BTD: variants seen among roughly 807,000 people sequenced by gnomAD.
BTD encodes the protein biotinidase.
In BTD, 13 loss-of-function variants were observed where a neutral mutation model predicts 17.7. The observed-to-expected ratio is 0.74, with a 90% CI of 0.48 to 1.17. The LOEUF (loss-of-function observed/expected upper bound fraction) is 1.17, where lower values mean the gene tolerates loss of function less well. Among genes scored for constraint, BTD ranks in the 50% most tolerant of loss-of-function variants. The probability of loss-of-function intolerance (pLI) is 0.00; values close to 1 mark genes in which losing one functional copy is unlikely to be tolerated. For synonymous variants in BTD, 240 were observed against 245.2 expected (o/e 0.98, Z 0.20); for missense variants, 674 against 650.4 (o/e 1.04, Z -0.39).
chr3:15,666,730 T>C (rs1261990189), intron 3 of BTD, among the ~76,000 whole-genome samples: 1 of 152,356 alleles, frequency 6.6e-6, no homozygotes, highest in Non-Finnish European at 1.5e-5. Flanking sequence ...CCAATATATC[T>C]ACTCTATCCC....
At chr3:15,604,375 C>T (rs946488146) in intron 1 of BTD, among the ~76,000 whole-genome samples, 3 of 152,242 alleles carry the variant, frequency 2.0e-5, no homozygotes, top group Non-Finnish European at 4.4e-5. Context: ...TTAGCCATGG[C>T]TGGCATGGCT....
At chr3:15,605,098 ACT>A (rs2064406225) in intron 1 of BTD, among the ~76,000 whole-genome samples, 1 of 152,050 alleles carries the variant, frequency 6.6e-6, no homozygotes, top group African/African-American at 2.4e-5. Flanking sequence ...GTAGTGCCCC[ACT>A]CTCTGCATTA....
chr3:15,649,588 T>G lies in BTD; in HGVS notation c.*4100T>G, dbSNP rs2065768361. ...ACCTCTGAGCTCACATGATGGCCCT[T>G]ACTGTGAACCTGGGTTTCTGGTCCA... On this transcript the variant is annotated 3_prime_UTR_variant, in exon 4 of 4. Coordinates refer to ENST00000643237, the MANE Select transcript of BTD (RefSeq NM_001370658.1). 6.6e-6 allele frequency among the ~76,000 whole-genome samples: 1 copy of G among 152,212 alleles called. No individual in the cohort carries two copies. The highest frequency in any genetic ancestry group is 1.5e-5 in the Non-Finnish European group (1 of 68,030).
At chr3:15,632,395 G>A (rs1192418157) in intron 1 of BTD, among the ~76,000 whole-genome samples, 2 of 152,158 alleles carry the variant, frequency 1.3e-5, no homozygotes, top group Non-Finnish European at 2.9e-5. Flanking sequence ...TGGTTCTGCT[G>A]TTCCCTGGAA....
chr3:15,623,354 T>C (rs75837895), intron 1 of BTD, among the ~76,000 whole-genome samples: 6,584 of 152,298 alleles, frequency 0.043, 403 homozygotes, highest in African/African-American at 0.14. Flanking sequence ...TCTACTGTAA[T>C]GATCTCTTGT....
intron 3 of BTD, among the ~76,000 whole-genome samples, chr3:15,701,320 C>A (rs995604097): frequency 2.6e-5 from 4 of 152,120 alleles, no homozygotes; most frequent in Non-Finnish European, 4.4e-5. Flanking sequence ...TTATGTACAG[C>A]TAAAATTCTT....
downstream of BTD, among the ~76,000 whole-genome samples, chr3:15,717,000 A>C (rs2073153495): frequency 6.6e-6 from 1 of 152,050 alleles, no homozygotes. Flanking sequence ...AACCAAATCT[A>C]CTTCATATAT....
chr3:15,635,761 G>T lies in BTD; in HGVS notation c.249+73G>T. 1 of 1,605,300 alleles carries T rather than the reference G, an allele frequency of 6.2e-7. No individual in the cohort carries two copies. The highest frequency in any genetic ancestry group is 8.5e-7 in the Non-Finnish European group (1 of 1,174,784). Reference sequence around the variant, plus strand: ...GCTCTTTACCCCTTGATCAGTGGTTGGGTAATCCCAGGCTTCCTACCACCC... The same window carrying T: ...GCTCTTTACCCCTTGATCAGTGGTTTGGTAATCCCAGGCTTCCTACCACCC... On this transcript the variant is annotated intron_variant, in intron 2 of 3. Transcript: ENST00000643237. This position sits in a 1 kb window ranked among gnomAD's most constrained non-coding sequence, Gnocchi z 4.1.
At chr3:15,688,338 G>A (rs1433775060) in intron 3 of BTD, among the ~76,000 whole-genome samples, 3 of 152,154 alleles carry the variant, frequency 2.0e-5, no homozygotes, top group African/African-American at 7.2e-5. Flanking sequence ...GTTGCCTAGA[G>A]TGCAATGAAA....
At chr3:15,673,967 G>A (rs900378300) in intron 3 of BTD, among the ~76,000 whole-genome samples, 3 of 151,920 alleles carry the variant, frequency 2.0e-5, no homozygotes, top group Non-Finnish European at 4.4e-5. Flanking sequence ...CTTGAGGCCA[G>A]GAGTTCAAGA....
chr3:15,678,609 T>C (rs1401147235), intron 3 of BTD, among the ~76,000 whole-genome samples: 1 of 152,142 alleles, frequency 6.6e-6, no homozygotes, highest in Non-Finnish European at 1.5e-5. Flanking sequence ...ATTGCTAAAA[T>C]AACATTACAT....
chr3:15,670,594 G>A (rs1420155954), intron 3 of BTD: 1 of 1,578,960 alleles, frequency 6.3e-7, no homozygotes, highest in Non-Finnish European at 8.6e-7. Context: ...TAAGCATCCT[G>A]AGATGTATTT....
intron 1 of BTD, among the ~76,000 whole-genome samples, chr3:15,613,952 T>G (rs964256204): frequency 1.2e-4 from 18 of 152,112 alleles, no homozygotes; most frequent in African/African-American, 4.1e-4. Context: ...GATTTTTTTC[T>G]TCTTCAAATA....
At chr3:15,658,396 G>A (rs1025408718), downstream of BTD, among the ~76,000 whole-genome samples, 2 of 152,174 alleles carry the variant, frequency 1.3e-5, no homozygotes, top group Non-Finnish European at 2.9e-5. Flanking sequence ...ATTGAGTGAC[G>A]CCATGCTGCC....
At chr3:15,675,809 A>G in intron 3 of BTD, 2 of 1,151,874 alleles carry the variant, frequency 1.7e-6, no homozygotes, top group Non-Finnish European at 2.4e-6. Flanking sequence ...TCTTTGACCA[A>G]TAAAAAATAT....
At chr3:15,617,786 A>G (rs2064835402) in intron 1 of BTD, among the ~76,000 whole-genome samples, 1 of 152,224 alleles carries the variant, frequency 6.6e-6, no homozygotes, top group Admixed American at 6.5e-5. Flanking sequence ...TGGATTCTCT[A>G]TTCTGTTCCA....
chr3:15,609,221 A>G (rs1157899492), intron 1 of BTD, among the ~76,000 whole-genome samples: 1 of 152,216 alleles, frequency 6.6e-6, no homozygotes, highest in African/African-American at 2.4e-5. Flanking sequence ...ATAGGATCAG[A>G]GATTAATATA....
At chr3:15,629,931 A>T in intron 1 of BTD, 1 of 474,764 alleles carries the variant, frequency 2.1e-6, no homozygotes, top group Non-Finnish European at 2.8e-6. Flanking sequence ...AAATAATAAT[A>T]ATGGATATTC....
At position 15,608,764 on chromosome 3, in the gene BTD, C is replaced by CA. The variant is rs895108669; in HGVS notation, c.-17+6887dup. Reference sequence around the variant, plus strand: ...CTGGCGACAGAGCGAGACTCCGTCTCAAAAAAAAAAAAAAAAAGAAATCAT... The same window carrying CA: ...CTGGCGACAGAGCGAGACTCCGTCTCAAAAAAAAAAAAAAAAAAGAAATCAT... On this transcript the variant is annotated intron_variant, in intron 1 of 3. Coordinates refer to ENST00000643237, the MANE Select transcript of BTD (RefSeq NM_001370658.1). 6.4e-3 allele frequency among the ~76,000 whole-genome samples: 424 copies of CA among 66,574 alleles called. 1 individual carries two copies. The highest frequency in any genetic ancestry group is 0.013 in the African/African-American group (221 of 17,512). The allele number at this position is 66,574 out of a possible 152,430, so 43.7% of individuals were successfully genotyped here.
Sources: gnomAD v4.1 joint callset for allele counts (sites outside exome capture counted in the v4.1 genomes callset) on GRCh38, gnomAD v4.1.1 for gene constraint, Gnocchi (gnomAD v3.1) non-coding constraint, MANE v1.5 for transcripts, NCBI Gene and HGNC (gene_info 2026-07-23, HGNC 2026-07-21) for gene names.